PRTFDC1: variants seen among roughly 807,000 people sequenced by gnomAD.
The protein encoded by PRTFDC1 is phosphoribosyltransferase domain-containing protein 1.
Under a neutral mutation model 34.6 loss-of-function variants are expected in PRTFDC1, and 38 were observed. The observed-to-expected ratio is 1.10, with a 90% confidence interval of 0.85 to 1.44. PRTFDC1 has a LOEUF of 1.44. Among genes scored for constraint, PRTFDC1 ranks in the 40% most tolerant of loss-of-function variants. The pLI is 0.00. For missense variants in PRTFDC1, 270 were observed against 283.0 expected (o/e 0.95, Z 0.33); for synonymous variants, 93 against 98.1 (o/e 0.95, Z 0.31).
chr10:24,942,912 T>G (rs1849190405), intron 1 of PRTFDC1, among the ~76,000 whole-genome samples: 1 of 152,160 alleles, frequency 6.6e-6, no homozygotes. Context: ...CTTCCTAAAG[T>G]GCTAGGTTTA....
At chr10:24,922,626 T>C (rs1419259313) in intron 3 of PRTFDC1, among the ~76,000 whole-genome samples, 1 of 152,174 alleles carries the variant, frequency 6.6e-6, no homozygotes, top group Non-Finnish European at 1.5e-5. Flanking sequence ...TTGTGAGGCC[T>C]CCCCAGCCAT....
At chr10:24,902,788 T>G (rs1393122801) in intron 3 of PRTFDC1, among the ~76,000 whole-genome samples, 1 of 152,188 alleles carries the variant, frequency 6.6e-6, no homozygotes, top group East Asian at 1.9e-4. Context: ...CTGACATAAT[T>G]ATTGGTTTGG....
intron 4 of PRTFDC1, chr10:24,867,803 A>ATTT (rs34324957): frequency 0.02 from 2,728 of 134,064 alleles, 104 homozygotes; most frequent in African/African-American, 0.07. Context: ...TGTAGGTTTA[A>ATTT]TTTTTTTTTT....
intron 1 of PRTFDC1, among the ~76,000 whole-genome samples, chr10:24,945,294 G>A (rs939871274): frequency 4.6e-4 from 70 of 152,278 alleles, no homozygotes; most frequent in African/African-American, 1.6e-3. Flanking sequence ...TTAAATGAAT[G>A]AATGGATGAC....
chr10:24,933,940 G>A lies in PRTFDC1; in HGVS notation c.339+3244C>T, dbSNP rs1296697998. ...GCTCCTGACCTCAGATGATCTGCCCGACTCGGCCTGCCAAAGTGCTAGGAT... is the reference window on the plus strand; with the variant it reads ...GCTCCTGACCTCAGATGATCTGCCCAACTCGGCCTGCCAAAGTGCTAGGAT... On this transcript the variant is annotated intron_variant, in intron 3 of 8. Transcript: ENST00000320152. Among the ~76,000 whole-genome samples, 4 of 151,978 alleles carry A rather than the reference G, an allele frequency of 2.6e-5. No homozygotes were observed. In the East Asian group the frequency reaches 7.7e-4, roughly 29 times the overall value.
intron 2 of PRTFDC1, among the ~76,000 whole-genome samples, chr10:24,939,573 C>A (rs1205854179): frequency 6.6e-6 from 1 of 150,972 alleles, no homozygotes; most frequent in Non-Finnish European, 1.5e-5. Context: ...CAGGCAGATC[C>A]CTTCAGGTCA....
chr10:24,875,019 T>C (rs1223953964), intron 3 of PRTFDC1, among the ~76,000 whole-genome samples: 1 of 152,202 alleles, frequency 6.6e-6, no homozygotes, highest in Non-Finnish European at 1.5e-5. Flanking sequence ...TTGTTTCTCC[T>C]TCCACCATGA....
At chr10:24,874,545 G>A (rs1847929149) in intron 3 of PRTFDC1, among the ~76,000 whole-genome samples, 1 of 152,130 alleles carries the variant, frequency 6.6e-6, no homozygotes, top group Admixed American at 6.5e-5. Flanking sequence ...TAACCAGTGA[G>A]ATTTATAGTC....
At chr10:24,905,414 CT>C (rs1848519027) in intron 3 of PRTFDC1, among the ~76,000 whole-genome samples, 1 of 148,964 alleles carries the variant, frequency 6.7e-6, no homozygotes, top group South Asian at 2.1e-4. Flanking sequence ...CTCCGACTCC[CT>C]GGTTCAAGCA....
chr10:24,898,406 G>A (rs1251416900), intron 3 of PRTFDC1, among the ~76,000 whole-genome samples: 2 of 148,030 alleles, frequency 1.4e-5, no homozygotes, highest in African/African-American at 5.0e-5. Flanking sequence ...CGAGGCTGCA[G>A]TGAGCCATGA....
At chr10:24,874,906 T>A (rs544502076) in intron 3 of PRTFDC1, among the ~76,000 whole-genome samples, 2 of 152,222 alleles carry the variant, frequency 1.3e-5, no homozygotes, top group African/African-American at 4.8e-5. Flanking sequence ...GTTCTCATGA[T>A]GATGAGTGAG....
At chr10:24,862,140 T>C (rs1847689566) in intron 4 of PRTFDC1, among the ~76,000 whole-genome samples, 1 of 152,172 alleles carries the variant, frequency 6.6e-6, no homozygotes, top group Non-Finnish European at 1.5e-5. Context: ...TGCTTTAAAA[T>C]AGATTAAAGG....
intron 3 of PRTFDC1, among the ~76,000 whole-genome samples, chr10:24,907,839 T>A (rs563805277): frequency 6.6e-6 from 1 of 152,356 alleles, no homozygotes; most frequent in African/African-American, 2.4e-5. Context: ...TTTTACTTTC[T>A]GTCCTTTTTT....
At position 24,952,591 on chromosome 10, in the gene PRTFDC1, C is replaced by T; in HGVS notation, c.-16G>A. On this transcript the variant is annotated 5_prime_UTR_variant, in exon 1 of 9. Coordinates refer to ENST00000320152, the MANE Select transcript of PRTFDC1 (RefSeq NM_020200.7). This position sits in a 1 kb window ranked among gnomAD's most constrained non-coding sequence, Gnocchi z 5.1. ...TCCCGGCCATGTTTCTCCCGGGGAACGCGGGAAGGGAAGACGGCGCGGGAA... is the reference window on the plus strand; with the variant it reads ...TCCCGGCCATGTTTCTCCCGGGGAATGCGGGAAGGGAAGACGGCGCGGGAA... The T allele has an allele frequency of 6.7e-7, 1 of 1,489,858 alleles. No individual in the cohort carries two copies. 92.3% of individuals were successfully genotyped at this position (1,489,858 alleles called of 1,614,324 possible). A position where few individuals can be genotyped will look rare whatever the true frequency, so the allele number is the denominator to read the frequency against.
intron 4 of PRTFDC1, among the ~76,000 whole-genome samples, chr10:24,865,138 G>A (rs776342761): frequency 6.6e-5 from 10 of 151,704 alleles, no homozygotes; most frequent in South Asian, 2.1e-4. Context: ...CAAAACAAAC[G>A]AACAAAAATA....
At chr10:24,851,290 T>A (rs1343843832) in intron 8 of PRTFDC1, 98 bp downstream of exon 8, 2 of 1,485,276 alleles carry the variant, frequency 1.3e-6, no homozygotes, top group Non-Finnish European at 1.8e-6. Context: ...TAGAAGATAC[T>A]CAATCAATAG....
chr10:24,915,283 TTTCAAAGACTCCTGACA>T (rs1175027350), intron 3 of PRTFDC1, among the ~76,000 whole-genome samples: 1 of 152,204 alleles, frequency 6.6e-6, no homozygotes, highest in African/African-American at 2.4e-5. Flanking sequence ...ATGCTTGCCT[TTTCAAAGACTCCTGACA>T]TTTGGACAGG....
intron 3 of PRTFDC1, among the ~76,000 whole-genome samples, chr10:24,887,063 C>T (rs1302485266): frequency 6.8e-6 from 1 of 146,530 alleles, no homozygotes; most frequent in South Asian, 2.2e-4. Context: ...CTCCGCTTCC[C>T]GGGTTCACGC....
intron 3 of PRTFDC1, among the ~76,000 whole-genome samples, chr10:24,880,655 G>C (rs1426216846): frequency 6.6e-6 from 1 of 152,136 alleles, no homozygotes; most frequent in East Asian, 1.9e-4. Flanking sequence ...TGTCCCTCTG[G>C]TGCCAATCTA....
Sources: gnomAD v4.1 joint callset for allele counts (sites outside exome capture counted in the v4.1 genomes callset) on GRCh38, gnomAD v4.1.1 for gene constraint, Gnocchi (gnomAD v3.1) non-coding constraint, MANE v1.5 for transcripts, NCBI Gene and HGNC (gene_info 2026-07-23, HGNC 2026-07-21) for gene names.